The following TBC1D22A variants were observed in gnomAD, a reference collection of about 807,000 sequenced individuals.
TBC1D22A encodes TBC1 domain family member 22A, also known as putative GTPase activator.
In TBC1D22A, 38 loss-of-function variants were observed where a neutral mutation model predicts 60.2. That is an observed-to-expected ratio of 0.63 (90% confidence interval 0.49 to 0.83). TBC1D22A has a LOEUF of 0.83. Among genes scored for constraint, TBC1D22A ranks in the 40% least tolerant of loss-of-function variants. The pLI, the probability that TBC1D22A is intolerant of heterozygous loss-of-function variation, is 0.00. For missense variants in TBC1D22A, 628 were observed against 701.0 expected, an observed-to-expected ratio of 0.90 and a Z score of 1.18; for synonymous variants, 302 against 281.7, an observed-to-expected ratio of 1.07 and a Z score of -0.72.
intron 12 of TBC1D22A, among the ~76,000 whole-genome samples, chr22:47,168,379 T>C (rs2068290020): frequency 7.5e-6 from 1 of 132,794 alleles, no homozygotes; most frequent in Admixed American, 7.6e-5. Flanking sequence ...GTTGAAGTAG[T>C]AGGTGGTGGA....
At chr22:46,805,793 A>C (rs801656) in intron 4 of TBC1D22A, among the ~76,000 whole-genome samples, 322 of 139,952 alleles carry the variant, frequency 2.3e-3, no homozygotes, top group South Asian at 3.2e-3. Context: ...CCGCCCCCCC[A>C]CACCCCCCAC....
intron 5 of TBC1D22A, among the ~76,000 whole-genome samples, chr22:46,889,738 C>T (rs141153355): frequency 4.6e-5 from 7 of 152,280 alleles, no homozygotes; most frequent in African/African-American, 1.4e-4. Flanking sequence ...AAAGCTTGCA[C>T]GATGTGTAGG....
At chr22:47,040,701 G>A (rs996839618) in intron 11 of TBC1D22A, among the ~76,000 whole-genome samples, 1 of 152,154 alleles carries the variant, frequency 6.6e-6, no homozygotes. Flanking sequence ...CCCCGTGCGG[G>A]ACGTGACTCA....
Position 46,878,345 on chromosome 22 carries a change from G to GGAGAGAGA in TBC1D22A, c.638-306_638-305insGAGAGAGA, listed in dbSNP as rs1555921965. On this transcript the variant is annotated intron_variant, in intron 4 of 12. Coordinates refer to ENST00000337137, the MANE Select transcript of TBC1D22A (RefSeq NM_014346.5). ...AGGGAGAGAGAGAAGGAGGTGGGAGGGAAGGAGGCCAGTGTACTCTGGACT... is the reference window on the plus strand; with the variant it reads ...AGGGAGAGAGAGAAGGAGGTGGGAGGGAGAGAGAGAAGGAGGCCAGTGTACTCTGGACT... 6.6e-3 allele frequency among the ~76,000 whole-genome samples: 976 copies of GGAGAGAGA among 147,472 alleles called. 1 individual carries two copies. The highest frequency in any genetic ancestry group is 0.011 in the Middle Eastern group (3 of 284).
intron 4 of TBC1D22A, among the ~76,000 whole-genome samples, chr22:46,869,170 G>C (rs1432857620): frequency 6.6e-6 from 1 of 152,188 alleles, no homozygotes; most frequent in Non-Finnish European, 1.5e-5. Flanking sequence ...TGCCCTGTTG[G>C]TGAGAGTTAG....
At chr22:46,835,657 G>A (rs1205617597) in intron 4 of TBC1D22A, among the ~76,000 whole-genome samples, 1 of 152,098 alleles carries the variant, frequency 6.6e-6, no homozygotes, top group Non-Finnish European at 1.5e-5. Context: ...AGAGAAAGGG[G>A]CAGAAAGCTT....
At chr22:46,818,928 C>G (rs1601999413) in intron 4 of TBC1D22A, among the ~76,000 whole-genome samples, 2 of 152,236 alleles carry the variant, frequency 1.3e-5, no homozygotes, top group African/African-American at 2.4e-5. Context: ...GTTTGTAGTT[C>G]TCCTTGAAGA....
chr22:46,950,490 G>C (rs907837763), intron 8 of TBC1D22A, among the ~76,000 whole-genome samples: 2 of 152,220 alleles, frequency 1.3e-5, no homozygotes, highest in Non-Finnish European at 2.9e-5. Flanking sequence ...TGTGTCCACT[G>C]TGGAATGCTG....
chr22:47,052,074 C>T (rs79514723), intron 11 of TBC1D22A, among the ~76,000 whole-genome samples: 1 of 151,064 alleles, frequency 6.6e-6, no homozygotes, highest in African/African-American at 2.4e-5. Flanking sequence ...TCTCACTGGG[C>T]CTCCTGCCCC....
chr22:46,868,265 G>C (rs2067146542), intron 4 of TBC1D22A, among the ~76,000 whole-genome samples: 1 of 152,174 alleles, frequency 6.6e-6, no homozygotes, highest in Admixed American at 6.5e-5. Context: ...TTGTCCTCAC[G>C]AGTGGCTGAG....
At chr22:46,866,827 C>G (rs370409992) in intron 4 of TBC1D22A, among the ~76,000 whole-genome samples, 9 of 152,206 alleles carry the variant, frequency 5.9e-5, no homozygotes, top group African/African-American at 9.7e-5. Flanking sequence ...CATGCGGAAG[C>G]GTTAACTTGC....
At chr22:46,877,525 G>C (rs12160200) in intron 4 of TBC1D22A, among the ~76,000 whole-genome samples, 1,732 of 152,262 alleles carry the variant, frequency 0.011, 29 homozygotes, top group African/African-American at 0.04. Context: ...TATCCTTAGG[G>C]TACTGGGGAA....
chr22:46,774,547 C>T (rs1011173464), intron 1 of TBC1D22A, among the ~76,000 whole-genome samples: 2 of 152,216 alleles, frequency 1.3e-5, no homozygotes, highest in South Asian at 2.1e-4. Context: ...AGGCTGAGAA[C>T]GTCTGTGTTG....
At chr22:47,112,972 G>T (rs2065904902) in intron 12 of TBC1D22A, among the ~76,000 whole-genome samples, 1 of 152,196 alleles carries the variant, frequency 6.6e-6, no homozygotes, top group African/African-American at 2.4e-5. Flanking sequence ...ATGACTTGCT[G>T]TGTCACCAAG....
intron 8 of TBC1D22A, among the ~76,000 whole-genome samples, chr22:46,951,171 G>A (rs1389077841): frequency 6.6e-6 from 1 of 152,118 alleles, no homozygotes; most frequent in Non-Finnish European, 1.5e-5. Context: ...CTTCTCTCTG[G>A]GAGGTTAATG....
At chr22:46,932,302 GC>G (rs2071398930) in intron 8 of TBC1D22A, among the ~76,000 whole-genome samples, 1 of 152,208 alleles carries the variant, frequency 6.6e-6, no homozygotes, top group South Asian at 2.1e-4. Flanking sequence ...CGTTCTCCCG[GC>G]CCCAGAACTC....
chr22:47,153,492 A>G (rs903243966), intron 12 of TBC1D22A, among the ~76,000 whole-genome samples: 29 of 151,812 alleles, frequency 1.9e-4, no homozygotes, highest in African/African-American at 6.8e-4. Context: ...GCAGGCAGAA[A>G]GGCGTGAGAG....
At chr22:46,813,440 A>G (rs2085465853) in intron 4 of TBC1D22A, among the ~76,000 whole-genome samples, 2 of 152,140 alleles carry the variant, frequency 1.3e-5, no homozygotes, top group Admixed American at 1.3e-4. Context: ...GGAGAGGGAG[A>G]AATCTTATTT....
intron 12 of TBC1D22A, among the ~76,000 whole-genome samples, chr22:47,136,369 A>G (rs937817058): frequency 2.0e-5 from 3 of 152,198 alleles, no homozygotes; most frequent in African/African-American, 7.2e-5. Context: ...GCTGGCTACC[A>G]CTGACCTGGG....
Sources: gnomAD v4.1 joint callset for allele counts (sites outside exome capture counted in the v4.1 genomes callset) on GRCh38, gnomAD v4.1.1 for gene constraint, MANE v1.5 for transcripts, NCBI Gene and HGNC (gene_info 2026-07-23, HGNC 2026-07-21) for gene names.